SEMA6D: variants seen among roughly 807,000 people sequenced by gnomAD.
The protein encoded by SEMA6D is semaphorin-6D.
Under a neutral mutation model 106.6 loss-of-function variants are expected in SEMA6D, and 35 were observed. The ratio of observed to expected loss-of-function variants is 0.33; its 90% CI spans 0.25 to 0.44. The LOEUF (loss-of-function observed/expected upper bound fraction) is 0.44. Ranked by LOEUF, SEMA6D falls within the 20% of genes least tolerant of loss-of-function variation. The probability of loss-of-function intolerance (pLI) is 1.00; values close to 1 mark genes in which losing one functional copy is unlikely to be tolerated. For missense variants in SEMA6D, 1,185 were observed against 1,345.9 expected, an observed-to-expected ratio of 0.88 and a Z score of 1.87; for synonymous variants, 499 against 487.7, an observed-to-expected ratio of 1.02 and a Z score of -0.31.
At chr15:47,726,075 C>T (rs1170882653) in intron 1 of SEMA6D, among the ~76,000 whole-genome samples, 2 of 152,236 alleles carry the variant, frequency 1.3e-5, no homozygotes, top group Non-Finnish European at 2.9e-5. Flanking sequence ...CGGTCTGGCT[C>T]CCACCCCGTT....
intron 4 of SEMA6D, among the ~76,000 whole-genome samples, chr15:47,685,086 C>T (rs1363278708): frequency 6.6e-6 from 1 of 152,214 alleles, no homozygotes; most frequent in Non-Finnish European, 1.5e-5. Context: ...TTCTAGTCCT[C>T]TTCAAATGTT....
intron 1 of SEMA6D, among the ~76,000 whole-genome samples, chr15:47,336,391 A>G (rs1303833127): frequency 6.6e-6 from 1 of 152,176 alleles, no homozygotes. Context: ...GAGTGCTGGT[A>G]GGGACAAATT....
chr15:47,298,265 G>A (rs568715768), intron 1 of SEMA6D, among the ~76,000 whole-genome samples: 60 of 152,198 alleles, frequency 3.9e-4, no homozygotes, highest in African/African-American at 1.4e-3. Flanking sequence ...GCTCCCAGGT[G>A]TGGTTGTCAG....
At chr15:47,647,921 G>T (rs1324936459) in intron 4 of SEMA6D, among the ~76,000 whole-genome samples, 1 of 152,162 alleles carries the variant, frequency 6.6e-6, no homozygotes, top group African/African-American at 2.4e-5. Context: ...GAGTGATAGT[G>T]GGGTGCTGAA....
intron 1 of SEMA6D, chr15:47,274,914 G>T (rs1411980376): frequency 6.6e-6 from 1 of 152,184 alleles, no homozygotes; most frequent in East Asian, 1.9e-4. Flanking sequence ...TTCTGCTAGA[G>T]GGCAGGTTCT....
intron 3 of SEMA6D, among the ~76,000 whole-genome samples, chr15:47,760,684 TA>T (rs2082013416): frequency 6.6e-6 from 1 of 152,116 alleles, no homozygotes; most frequent in Non-Finnish European, 1.5e-5. Context: ...AACCTTTCTT[TA>T]TGCGTTTTTA....
At chr15:47,612,769 TA>T (rs954409011) in intron 4 of SEMA6D, among the ~76,000 whole-genome samples, 53 of 136,912 alleles carry the variant, frequency 3.9e-4, no homozygotes, top group African/African-American at 1.3e-3. Context: ...TTTTATTTTT[TA>T]TTTTTTTTTT....
chr15:47,611,690 G>A (rs1393124067), intron 4 of SEMA6D, among the ~76,000 whole-genome samples: 1 of 152,158 alleles, frequency 6.6e-6, no homozygotes, highest in Non-Finnish European at 1.5e-5. Context: ...TAGTTAAGAC[G>A]TAAAGGATTA....
At chr15:47,520,981 A>G (rs554549800) in intron 3 of SEMA6D, among the ~76,000 whole-genome samples, 3 of 152,298 alleles carry the variant, frequency 2.0e-5, no homozygotes, top group African/African-American at 7.2e-5. Context: ...CAGACAGTCT[A>G]GATGTGTCTG....
rs2082651924 is a variant in SEMA6D, at chr15:47,772,047, A to G, written c.*262A>G. ...GAAGCTAAAGAGATGTGTAGCTCACAGGGGCTACCTTACCAGTATAAAGAG... is the reference window on the plus strand; with the variant it reads ...GAAGCTAAAGAGATGTGTAGCTCACGGGGGCTACCTTACCAGTATAAAGAG... On this transcript the variant is annotated 3_prime_UTR_variant, in exon 19 of 19. Transcript: ENST00000536845. 1 of 463,744 alleles carries G rather than the reference A, an allele frequency of 2.2e-6. No individual in the cohort carries two copies. 28.7% of individuals were successfully genotyped at this position (463,744 alleles called of 1,614,324 possible).
At chr15:47,757,661 A>G (rs1261942618) in intron 1 of SEMA6D, among the ~76,000 whole-genome samples, 2 of 152,198 alleles carry the variant, frequency 1.3e-5, no homozygotes, top group East Asian at 3.9e-4. Flanking sequence ...TCCAGGTCCA[A>G]TACATAGGAA....
intron 3 of SEMA6D, among the ~76,000 whole-genome samples, chr15:47,559,485 A>C (rs1252316715): frequency 2.6e-5 from 4 of 152,096 alleles, no homozygotes; most frequent in Admixed American, 2.6e-4. Context: ...CAGCCCTGCT[A>C]CCCATGCTGG....
intron 3 of SEMA6D, among the ~76,000 whole-genome samples, chr15:47,534,305 C>T (rs148771004): frequency 0.012 from 1,837 of 152,126 alleles, 10 homozygotes; most frequent in Admixed American, 0.021. Context: ...ATTCTCGTGC[C>T]GCAGCCTCCC....
At chr15:47,679,040 G>A (rs1421954413) in intron 4 of SEMA6D, among the ~76,000 whole-genome samples, 1 of 152,112 alleles carries the variant, frequency 6.6e-6, no homozygotes, top group Non-Finnish European at 1.5e-5. Flanking sequence ...CTTACATTTA[G>A]ACTCTTCAAA....
intron 4 of SEMA6D, among the ~76,000 whole-genome samples, chr15:47,651,329 A>C (rs1053686590): frequency 1.4e-4 from 21 of 152,246 alleles, no homozygotes; most frequent in African/African-American, 5.1e-4. Context: ...ACTTGAGCCC[A>C]GGAATTGGAG....
chr15:47,531,023 G>A (rs2044942696), intron 3 of SEMA6D, among the ~76,000 whole-genome samples: 1 of 152,022 alleles, frequency 6.6e-6, no homozygotes, highest in Admixed American at 6.6e-5. Flanking sequence ...ATGTATTTAT[G>A]AATAATGACA....
At chr15:47,625,393 G>T (rs1367264017) in intron 4 of SEMA6D, among the ~76,000 whole-genome samples, 1 of 152,090 alleles carries the variant, frequency 6.6e-6, no homozygotes, top group East Asian at 1.9e-4. Context: ...AGATGGGTGG[G>T]CTTCACATTT....
At chr15:47,329,104 G>C (rs71467625) in intron 1 of SEMA6D, among the ~76,000 whole-genome samples, 1 of 152,174 alleles carries the variant, frequency 6.6e-6, no homozygotes, top group Non-Finnish European at 1.5e-5. Flanking sequence ...CTTGGTGCTG[G>C]CCATACGCAG....
At chr15:47,200,721 A>C (rs1894667336) in intron 1 of SEMA6D, among the ~76,000 whole-genome samples, 1 of 152,228 alleles carries the variant, frequency 6.6e-6, no homozygotes, top group African/African-American at 2.4e-5. Flanking sequence ...GTTGAGTTAC[A>C]ACTGCAGGGC....
Sources: gnomAD v4.1 joint callset for allele counts (sites outside exome capture counted in the v4.1 genomes callset) on GRCh38, gnomAD v4.1.1 for gene constraint, MANE v1.5 for transcripts, NCBI Gene and HGNC (gene_info 2026-07-23, HGNC 2026-07-21) for gene names.